Variants in PLAC8L1 observed in about 807,000 individuals in gnomAD.
The protein encoded by PLAC8L1 is PLAC8 like 1.
Under a neutral mutation model 16.3 loss-of-function variants are expected in PLAC8L1, and 13 were observed. The observed-to-expected ratio is 0.80, with a 90% CI of 0.52 to 1.27. The LOEUF is 1.27. Among genes scored for constraint, PLAC8L1 ranks in the 50% most tolerant of loss-of-function variants. The pLI is 0.00. For synonymous variants in PLAC8L1, 78 were observed against 79.3 expected (o/e 0.98, Z 0.09); for missense variants, 184 against 220.2 (o/e 0.84, Z 1.04).
intron 2 of PLAC8L1, among the ~76,000 whole-genome samples, chr5:146,088,434 C>T (rs1346351481): frequency 3.3e-5 from 5 of 152,328 alleles, no homozygotes; most frequent in African/African-American, 1.2e-4. Flanking sequence ...TGGTCTGTCT[C>T]TGGCTACCCC....
intron 2 of PLAC8L1, 64 bp from the exon 3 acceptor site, chr5:146,085,661 A>C: frequency 6.5e-7 from 1 of 1,540,380 alleles, no homozygotes; most frequent in Non-Finnish European, 8.8e-7. Flanking sequence ...TCACATCTCA[A>C]AGAATATTTA....
At position 146,086,024 on chromosome 5, in the gene PLAC8L1, C is replaced by CTTTTTTTTTTTT. The variant is rs58130114; in HGVS notation, c.257-439_257-428dup. 3.2e-3 allele frequency among the ~76,000 whole-genome samples: 290 copies of CTTTTTTTTTTTT among 90,384 alleles called. 29 individuals carry two copies. The highest frequency in any genetic ancestry group is 0.012 in the African/African-American group (260 of 21,654). The allele number at this position is 90,384 out of a possible 152,430, so 59.3% of individuals were successfully genotyped here. A position where few individuals can be genotyped will look rare whatever the true frequency, so the allele number is the denominator to read the frequency against. The stretch of plus-strand genomic sequence containing the variant: ...ATTTCTATAAGTGTAATTGAAAGGT[C>CTTTTTTTTTTTT]TTTTTTTTTTTTTTTTTTTTTTTGA... On this transcript the variant is annotated intron_variant, in intron 2 of 3. Coordinates refer to ENST00000311450, the MANE Select transcript of PLAC8L1 (RefSeq NM_001029869.3).
intron 1 of PLAC8L1, among the ~76,000 whole-genome samples, chr5:146,099,797 C>T (rs965324641): frequency 6.6e-5 from 10 of 152,186 alleles, no homozygotes; most frequent in Non-Finnish European, 1.2e-4. Context: ...TTGGAAACAG[C>T]TGTGGAGCCC....
At chr5:146,092,016 G>C (rs916249782) in intron 2 of PLAC8L1, among the ~76,000 whole-genome samples, 1 of 152,028 alleles carries the variant, frequency 6.6e-6, no homozygotes, top group Admixed American at 6.6e-5. Flanking sequence ...ATTCAGGTCT[G>C]TTCTCTGAGA....
At chr5:146,085,322 C>A in intron 3 of PLAC8L1, 139 bp downstream of exon 3, 1 of 874,786 alleles carries the variant, frequency 1.1e-6, no homozygotes, top group Non-Finnish European at 1.7e-6. Context: ...AATGTATTTC[C>A]TTTCTCAAAG....
intron 1 of PLAC8L1, among the ~76,000 whole-genome samples, chr5:146,099,786 C>T (rs982645354): frequency 1.1e-4 from 16 of 151,878 alleles, no homozygotes; most frequent in African/African-American, 3.9e-4. Context: ...CTGGGGGCAT[C>T]TTGGAAACAG....
chr5:146,085,671 A>G, intron 2 of PLAC8L1, 74 bp from the exon 3 acceptor site: 3 of 1,506,852 alleles, frequency 2.0e-6, no homozygotes, highest in Non-Finnish European at 2.7e-6. Context: ...AAGAATATTT[A>G]CAACATTATG....
intron 2 of PLAC8L1, among the ~76,000 whole-genome samples, chr5:146,092,227 T>A (rs1383132538): frequency 6.6e-6 from 1 of 152,222 alleles, no homozygotes; most frequent in African/African-American, 2.4e-5. Flanking sequence ...AACAATGAGA[T>A]GCTCAGAAAA....
intron 2 of PLAC8L1, among the ~76,000 whole-genome samples, chr5:146,096,596 T>C (rs1328470097): frequency 3.3e-5 from 5 of 152,154 alleles, no homozygotes; most frequent in Non-Finnish European, 7.3e-5. Flanking sequence ...GGATTCACGG[T>C]GTATATGTGA....
chr5:146,087,119 A>T (rs1361670254), intron 2 of PLAC8L1, among the ~76,000 whole-genome samples: 4 of 152,198 alleles, frequency 2.6e-5, no homozygotes, highest in African/African-American at 9.7e-5. Flanking sequence ...ACTTCATATT[A>T]ATGAAATCAT....
chr5:146,104,597 G>C lies in PLAC8L1; in HGVS notation c.-286C>G. 3.5e-6 allele frequency: 1 copy of C among 283,008 alleles called. No individual in the cohort carries two copies. 17.5% of individuals were successfully genotyped at this position (283,008 alleles called of 1,614,324 possible). A position where few individuals can be genotyped will look rare whatever the true frequency, so the allele number is the denominator to read the frequency against. On this transcript the variant is annotated 5_prime_UTR_variant, in exon 1 of 4. Coordinates refer to ENST00000311450, the MANE Select transcript of PLAC8L1 (RefSeq NM_001029869.3). Reference sequence around the variant, plus strand: ...TTATCTTTGGTGGAAAACTCTTTAAGAGATGCCTCTAGTAAACATTTATCT... The same window carrying C: ...TTATCTTTGGTGGAAAACTCTTTAACAGATGCCTCTAGTAAACATTTATCT...
intron 2 of PLAC8L1, among the ~76,000 whole-genome samples, chr5:146,096,897 G>A (rs1320052263): frequency 2.0e-5 from 3 of 152,218 alleles, no homozygotes; most frequent in South Asian, 4.1e-4. Flanking sequence ...GCCGCGACAG[G>A]AAGAGACTTG....
rs1429940070 is a variant in PLAC8L1 at position 146,096,700 on chromosome 5, T to C, written c.256+1456A>G. The stretch of plus-strand genomic sequence containing the variant: ...TCCCCCAACCCCCAACCATAAGCTA[T>C]GAAAGGAAAATGGTCCACTTACTAT... On this transcript the variant is annotated intron_variant, in intron 2 of 3. Transcript: ENST00000311450. Among the ~76,000 whole-genome samples the C allele has an allele frequency of 2.0e-5, 3 of 152,230 alleles. No homozygotes were observed. In the East Asian group the frequency reaches 5.8e-4, roughly 29 times the overall value.
chr5:146,102,476 T>C (rs895528490), intron 1 of PLAC8L1, among the ~76,000 whole-genome samples: 1 of 152,206 alleles, frequency 6.6e-6, no homozygotes, highest in Non-Finnish European at 1.5e-5. Flanking sequence ...AGGATCTCAG[T>C]AGTTCATTAA....
chr5:146,094,176 G>T (rs1580976733), intron 2 of PLAC8L1, among the ~76,000 whole-genome samples: 1 of 152,248 alleles, frequency 6.6e-6, no homozygotes, highest in East Asian at 1.9e-4. Context: ...TCTGCCTCCT[G>T]GGTTCAAGAG....
rs186878777 is a variant in PLAC8L1 at position 146,090,138 on chromosome 5, G to T, written c.257-4541C>A. ...CACTGTCAGGTCACACCCCAAGAAG[G>T]GATGCACAAAATCAGGATGATGGGA... On this transcript the variant is annotated intron_variant, in intron 2 of 3. Transcript: ENST00000311450. 5.1e-3 allele frequency among the ~76,000 whole-genome samples: 770 copies of T among 152,188 alleles called. 3 individuals are homozygous for T. The highest frequency in any genetic ancestry group is 8.1e-3 in the Non-Finnish European group (550 of 68,000).
intron 2 of PLAC8L1, among the ~76,000 whole-genome samples, chr5:146,091,655 A>C (rs1233996612): frequency 6.6e-6 from 1 of 152,068 alleles, no homozygotes; most frequent in Admixed American, 6.6e-5. Context: ...TTAAAAAATT[A>C]GCCAGGCATG....
chr5:146,084,459 G>T lies in PLAC8L1; in HGVS notation c.507C>A (p.Val169=). The T allele has an allele frequency of 1.2e-6, 2 of 1,614,210 alleles. No homozygotes were observed. The highest frequency in any genetic ancestry group is 1.3e-5 in the African/African-American group (1 of 75,066). ...RTSQVYEICA[V]PMTKDTLV is the part of the protein sequence containing the mutation. Reference sequence around the variant, plus strand: ...AAACCAGGGTGTCCTTAGTCATTGGGACTGCACAGATTTCATAGACTTGGG... The same window carrying T: ...AAACCAGGGTGTCCTTAGTCATTGGTACTGCACAGATTTCATAGACTTGGG... The change falls in exon 4 of 4, where the codon GTC becomes GTA. Residue 169 remains valine, a synonymous_variant. Transcript: ENST00000311450.
rs753459383 is a variant in PLAC8L1, at chr5:146,085,611, C to T, written c.257-14G>A. 6.3e-7 allele frequency: 1 copy of T among 1,594,738 alleles called. No homozygotes were observed. The highest frequency in any genetic ancestry group is 8.5e-7 in the Non-Finnish European group (1 of 1,169,688). ...GACCACAGAAACCTGTCAATAACCA[C>T]ATCCAAAAAGCCAAGGTTCTCAGAT... On this transcript the variant is annotated splice_polypyrimidine_tract_variant and intron_variant, in intron 2 of 3. Coordinates refer to ENST00000311450, the MANE Select transcript of PLAC8L1 (RefSeq NM_001029869.3).
Sources: gnomAD v4.1 joint callset for allele counts (sites outside exome capture counted in the v4.1 genomes callset) on GRCh38, gnomAD v4.1.1 for gene constraint, MANE v1.5 for transcripts, NCBI Gene and HGNC (gene_info 2026-07-23, HGNC 2026-07-21) for gene names.